GRIP1: variants seen among roughly 807,000 people sequenced by gnomAD.
The protein encoded by GRIP1 is glutamate receptor-interacting protein 1.
GRIP1 carries 45 observed loss-of-function variants against 129.9 expected under a neutral mutation model. The observed-to-expected ratio is 0.35, with a 90% CI of 0.27 to 0.44. The LOEUF (loss-of-function observed/expected upper bound fraction) is 0.44. Among genes scored for constraint, GRIP1 ranks in the 20% least tolerant of loss-of-function variants. The probability of loss-of-function intolerance (pLI) is 1.00; values close to 1 mark genes in which losing one functional copy is unlikely to be tolerated. For missense variants in GRIP1, 1,196 were observed against 1,396.8 expected, an observed-to-expected ratio of 0.86 and a Z score of 2.29; for synonymous variants, 530 against 520.8, an observed-to-expected ratio of 1.02 and a Z score of -0.24.
At chr12:66,837,489 C>T (rs891499007) in intron 1 of GRIP1, among the ~76,000 whole-genome samples, 4 of 152,080 alleles carry the variant, frequency 2.6e-5, no homozygotes, top group Non-Finnish European at 5.9e-5. Context: ...GCCCACAGGC[C>T]TACTGTAATT....
At chr12:66,544,562 C>T (rs1026399823) in intron 2 of GRIP1, among the ~76,000 whole-genome samples, 9 of 152,168 alleles carry the variant, frequency 5.9e-5, no homozygotes, top group African/African-American at 1.9e-4. Flanking sequence ...CTGTACTTAT[C>T]GACCAGGGTT....
intron 1 of GRIP1, among the ~76,000 whole-genome samples, chr12:66,794,440 C>T (rs907243371): frequency 2.0e-5 from 3 of 152,086 alleles, no homozygotes; most frequent in African/African-American, 7.2e-5. Flanking sequence ...ATTGGGGGTG[C>T]CATTCACATA....
At chr12:66,406,724 G>A (rs907385103) in intron 15 of GRIP1, among the ~76,000 whole-genome samples, 29 of 152,130 alleles carry the variant, frequency 1.9e-4, no homozygotes, top group African/African-American at 3.4e-4. Context: ...GGTAATGGGC[G>A]AGGGTCTGCA....
At chr12:66,635,930 G>A (rs1269295557) in intron 1 of GRIP1, among the ~76,000 whole-genome samples, 1 of 152,050 alleles carries the variant, frequency 6.6e-6, no homozygotes, top group Non-Finnish European at 1.5e-5. Context: ...ATTTAAAGCA[G>A]GAACTCAAAG....
At chr12:66,579,006 C>T (rs2063258768) in intron 2 of GRIP1, among the ~76,000 whole-genome samples, 1 of 152,154 alleles carries the variant, frequency 6.6e-6, no homozygotes, top group South Asian at 2.1e-4. Context: ...TGGGAGGCAC[C>T]CCCCAGTAGG....
rs1335660995 is a variant in GRIP1 at position 66,500,460 on chromosome 12, G to GTTATAA, written c.724+15158_724+15159insTTATAA. Among the ~76,000 whole-genome samples the GTTATAA allele has an allele frequency of 3.9e-5, 6 of 152,164 alleles. No individual in the cohort carries two copies. The East Asian group carries it at 1.2e-3, about 29-fold the overall frequency. On this transcript the variant is annotated intron_variant, in intron 7 of 24. Coordinates refer to ENST00000359742, the MANE Select transcript of GRIP1 (RefSeq NM_001366722.1). ...AAGGCTGGGTAGAGTCTTAGTGTTA[G>GTTATAA]ACTAAAAATTGTGGTCTTTATTTTA...
chr12:67,026,001 G>A (rs6581729), intron 1 of GRIP1, among the ~76,000 whole-genome samples: 27,309 of 151,814 alleles, frequency 0.18, 3,032 homozygotes, highest in African/African-American at 0.31. Flanking sequence ...TAGTCACAGT[G>A]CTTCTTCAGC....
chr12:66,796,089 C>T lies in GRIP1; in HGVS notation c.-420+7964G>A, dbSNP rs147213777. Among the ~76,000 whole-genome samples, 107 of 152,082 alleles carry T rather than the reference C, an allele frequency of 7.0e-4. 2 individuals are homozygous for T. The highest frequency in any genetic ancestry group is 3.4e-3 in the Middle Eastern group (1 of 294). On this transcript the variant is annotated intron_variant, in intron 1 of 4. Coordinates refer to the GRIP1 transcript ENST00000538373. ...TTTTCATACCCCCAAATCACCACCC[C>T]CACTTTAGACAATCCCTAACTTTGC... is the stretch of plus-strand genomic sequence containing the variant.
intron 2 of GRIP1, among the ~76,000 whole-genome samples, chr12:66,583,551 C>A (rs7959404): frequency 0.89 from 108,041 of 121,588 alleles, 49,174 homozygotes; most frequent in African/African-American, 0.97. Context: ...GAACTCAAAC[C>A]AATTTACAAG....
chr12:66,573,606 G>A (rs2063037966), intron 2 of GRIP1, among the ~76,000 whole-genome samples: 1 of 152,134 alleles, frequency 6.6e-6, no homozygotes, highest in African/African-American at 2.4e-5. Flanking sequence ...AGTAAGGCAG[G>A]CTAGCTCCAG....
At chr12:66,621,210 A>C (rs943162843) in intron 1 of GRIP1, among the ~76,000 whole-genome samples, 3 of 152,136 alleles carry the variant, frequency 2.0e-5, no homozygotes, top group African/African-American at 7.2e-5. Flanking sequence ...TATCTTCAGA[A>C]CTTTTTTTTA....
chr12:66,822,691 T>A (rs2039342062), intron 1 of GRIP1, among the ~76,000 whole-genome samples: 1 of 152,110 alleles, frequency 6.6e-6, no homozygotes, highest in South Asian at 2.1e-4. Flanking sequence ...CAAAATGATG[T>A]CCTTTGCAGC....
chr12:66,507,669 A>G (rs565405966), intron 7 of GRIP1, among the ~76,000 whole-genome samples: 2 of 152,318 alleles, frequency 1.3e-5, no homozygotes, highest in African/African-American at 2.4e-5. Flanking sequence ...AAAAATTGCT[A>G]TTTTATGTTT....
intron 1 of GRIP1, among the ~76,000 whole-genome samples, chr12:66,942,623 A>G (rs1315642186): frequency 6.6e-6 from 1 of 152,216 alleles, no homozygotes; most frequent in Non-Finnish European, 1.5e-5. Context: ...AGGGCGTTTC[A>G]GAATAAGCAG....
At chr12:66,633,650 A>C (rs2140059026) in intron 1 of GRIP1, among the ~76,000 whole-genome samples, 1 of 152,248 alleles carries the variant, frequency 6.6e-6, no homozygotes, top group South Asian at 2.1e-4. Flanking sequence ...GAAAAGTAGA[A>C]ATTTCCCGAG....
chr12:67,002,685 C>T (rs1445404198), intron 1 of GRIP1, among the ~76,000 whole-genome samples: 1 of 152,200 alleles, frequency 6.6e-6, no homozygotes, highest in Non-Finnish European at 1.5e-5. Flanking sequence ...GATAGTCATG[C>T]AATCATTTCT....
At chr12:66,443,281 GC>G in intron 13 of GRIP1, among the ~76,000 whole-genome samples, 1 of 152,168 alleles carries the variant, frequency 6.6e-6, no homozygotes, top group African/African-American at 2.4e-5. Flanking sequence ...AATCCCCTTT[GC>G]CCCCCACCTT....
intron 1 of GRIP1, among the ~76,000 whole-genome samples, chr12:66,890,592 T>A (rs1204083822): frequency 2.6e-5 from 4 of 152,184 alleles, no homozygotes; most frequent in Non-Finnish European, 5.9e-5. Context: ...GTACTACAGC[T>A]GCAACTAAAT....
chr12:66,398,287 T>C (rs1378111951), intron 16 of GRIP1, among the ~76,000 whole-genome samples: 1 of 150,008 alleles, frequency 6.7e-6, no homozygotes, highest in African/African-American at 2.5e-5. Context: ...TTTTCATTGG[T>C]TCCTCAGTTC....
Sources: allele counts gnomAD v4.1 joint callset (sites outside exome capture counted in the v4.1 genomes callset), GRCh38; gene constraint gnomAD v4.1.1; transcripts MANE v1.5; gene names NCBI Gene and HGNC (gene_info 2026-07-23, HGNC 2026-07-21).